Variants in ADSS2 observed in about 807,000 individuals in gnomAD.
ADSS2 encodes the protein adenylosuccinate synthetase isozyme 2.
In ADSS2, 30 loss-of-function variants were observed where a neutral mutation model predicts 60.0. The ratio of observed to expected loss-of-function variants is 0.50; its 90% CI spans 0.37 to 0.68. The LOEUF (loss-of-function observed/expected upper bound fraction) is 0.68, where lower values mean the gene tolerates loss of function less well. ADSS2 is among the 30% of genes least tolerant of loss of function. The pLI, the probability that ADSS2 is intolerant of heterozygous loss-of-function variation, is 0.00. For synonymous variants in ADSS2, 187 were observed against 193.1 expected (o/e 0.97, Z 0.26); for missense variants, 373 against 554.8 (o/e 0.67, Z 3.29).
chr1:244,409,035 T>C lies in ADSS2; in HGVS notation c.*551A>G, dbSNP rs1435872672. 1 of 152,548 alleles carries C rather than the reference T, an allele frequency of 6.6e-6. No homozygotes were observed. Among genetic ancestry groups the C allele is most frequent in the Non-Finnish European group, 1.5e-5 (1 of 68,046 alleles). The allele number at this position is 152,548 out of a possible 1,614,324, so 9.4% of individuals were successfully genotyped here. A position where few individuals can be genotyped will look rare whatever the true frequency, so the allele number is the denominator to read the frequency against. Reference sequence around the variant, plus strand: ...CCCTCCCAGCCCCACCAAAGCTCAATTTTGCATGGTTTCAGCAGAAAATAG... The same window carrying C: ...CCCTCCCAGCCCCACCAAAGCTCAACTTTGCATGGTTTCAGCAGAAAATAG... On this transcript the variant is annotated 3_prime_UTR_variant, in exon 13 of 13. Coordinates refer to ENST00000366535, the MANE Select transcript of ADSS2 (RefSeq NM_001126.5).
chr1:244,438,997 T>C (rs1665169796), intron 1 of ADSS2, among the ~76,000 whole-genome samples: 1 of 152,180 alleles, frequency 6.6e-6, no homozygotes, highest in East Asian at 1.9e-4. Context: ...TATCTAACTA[T>C]ATTTGTATAC....
In ADSS2 at chr1:244,409,566, T is replaced by G; in HGVS notation, c.*20A>C. 6.3e-7 allele frequency: 1 copy of G among 1,589,888 alleles called. No homozygotes were observed. ...TTTCCCCTCCCTCTCAAGGAGTGTTTCTTGCATTACTGGCAATCATTAAAA... is the reference window on the plus strand; with the variant it reads ...TTTCCCCTCCCTCTCAAGGAGTGTTGCTTGCATTACTGGCAATCATTAAAA... On this transcript the variant is annotated 3_prime_UTR_variant, in exon 13 of 13. Transcript: ENST00000366535.
At chr1:244,448,839 G>A (rs892042465) in intron 1 of ADSS2, among the ~76,000 whole-genome samples, 5 of 152,032 alleles carry the variant, frequency 3.3e-5, no homozygotes, top group Non-Finnish European at 7.3e-5. Context: ...TGCTTACACA[G>A]CAGTTGTCCC....
At chr1:244,434,353 CAA>C (rs533431244) in intron 3 of ADSS2, among the ~76,000 whole-genome samples, 23 of 133,166 alleles carry the variant, frequency 1.7e-4, no homozygotes, top group Non-Finnish European at 1.8e-4. Flanking sequence ...ACCATGTCTC[CAA>C]AAAAAAAAAA....
chr1:244,440,678 T>C (rs1049293436), intron 1 of ADSS2, among the ~76,000 whole-genome samples: 3 of 152,190 alleles, frequency 2.0e-5, no homozygotes, highest in African/African-American at 7.2e-5. Context: ...AGACAACCAG[T>C]TAGCACAAGT....
At chr1:244,440,675 C>A (rs1323348040) in intron 1 of ADSS2, among the ~76,000 whole-genome samples, 1 of 152,142 alleles carries the variant, frequency 6.6e-6, no homozygotes, top group Non-Finnish European at 1.5e-5. Flanking sequence ...GTAAGACAAC[C>A]AGTTAGCACA....
At chr1:244,436,795 TG>T in intron 3 of ADSS2, 29 bp downstream of exon 3, 1 of 1,562,242 alleles carries the variant, frequency 6.4e-7, no homozygotes. Flanking sequence ...AAAGAACAAC[TG>T]GTTACCAAGT....
chr1:244,419,003 A>G, intron 8 of ADSS2, 89 bp from the exon 9 acceptor site: 5 of 1,210,606 alleles, frequency 4.1e-6, no homozygotes, highest in Non-Finnish European at 4.6e-6. Flanking sequence ...GCATTTGAGT[A>G]TATTATAGGT....
In ADSS2 at chr1:244,451,221, C is replaced by A. The variant is rs549006657; in HGVS notation, c.183+414G>T. ...GGGGGGCGGTGATGGGGGGTTCTGC[C>A]GTCGCGCCGGGTCTCCGCCCGCAGT... On this transcript the variant is annotated intron_variant, in intron 1 of 12. Coordinates refer to ENST00000366535, the MANE Select transcript of ADSS2 (RefSeq NM_001126.5). This position sits in a 1 kb window ranked among gnomAD's most constrained non-coding sequence, Gnocchi z 6.6. 6.6e-6 allele frequency among the ~76,000 whole-genome samples: 1 copy of A among 152,166 alleles called. No individual in the cohort carries two copies. The highest frequency in any genetic ancestry group is 1.5e-5 in the Non-Finnish European group (1 of 68,022).
At chr1:244,433,962 G>A (rs565060841) in intron 3 of ADSS2, among the ~76,000 whole-genome samples, 3 of 151,886 alleles carry the variant, frequency 2.0e-5, no homozygotes, top group Non-Finnish European at 2.9e-5. Context: ...TGAATTGTGA[G>A]GTATATCTGT....
intron 11 of ADSS2, 39 bp from the exon 12 acceptor site, chr1:244,411,475 G>A (rs752597961): frequency 6.4e-7 from 1 of 1,568,994 alleles, no homozygotes; most frequent in South Asian, 1.2e-5. Flanking sequence ...GGCACACACT[G>A]TTTACTGTCA....
intron 3 of ADSS2, among the ~76,000 whole-genome samples, chr1:244,436,211 G>A (rs977377432): frequency 6.6e-6 from 1 of 152,120 alleles, no homozygotes; most frequent in African/African-American, 2.4e-5. Context: ...TCAGATTTTT[G>A]TATTACGGAT....
At position 244,436,576 on chromosome 1, in the gene ADSS2, A is replaced by G. The variant is rs141994346; in HGVS notation, c.355+249T>C. ...TCACCCACATATTGTAATTCTAGCT[A>G]TCTTAAGATAAAGTTTGTAGATGAC... On this transcript the variant is annotated intron_variant, in intron 3 of 12. Coordinates refer to ENST00000366535, the MANE Select transcript of ADSS2 (RefSeq NM_001126.5). 2.6e-5 allele frequency among the ~76,000 whole-genome samples: 4 copies of G among 152,360 alleles called. No individual in the cohort carries two copies. The East Asian group carries it at 7.7e-4, about 29-fold the overall frequency.
intron 4 of ADSS2, among the ~76,000 whole-genome samples, chr1:244,431,359 CCTTT>C (rs1664940206): frequency 6.6e-6 from 1 of 152,028 alleles, no homozygotes. Flanking sequence ...TTCTTTGTTT[CCTTT>C]GTTTTTTGTC....
Position 244,436,450 on chromosome 1 carries a change from A to G in ADSS2, c.355+375T>C, listed in dbSNP as rs527370604. Among the ~76,000 whole-genome samples, 10 of 152,312 alleles carry G rather than the reference A, an allele frequency of 6.6e-5. No homozygotes were observed. In the East Asian group the frequency reaches 1.4e-3, roughly 21 times the overall value. The stretch of plus-strand genomic sequence containing the variant: ...ATCTGTGTAGCATGGGAAAAAACAA[A>G]AATTCCCTTTTATCCCTGAGTTGTA... On this transcript the variant is annotated intron_variant, in intron 3 of 12. Transcript: ENST00000366535.
At chr1:244,430,266 C>T (rs939570793) in intron 4 of ADSS2, among the ~76,000 whole-genome samples, 2 of 152,168 alleles carry the variant, frequency 1.3e-5, no homozygotes, top group Non-Finnish European at 2.9e-5. Flanking sequence ...AATTAAGTAA[C>T]TTGCTTAACC....
chr1:244,411,661 A>G (rs1664421472), intron 11 of ADSS2, among the ~76,000 whole-genome samples: 1 of 152,220 alleles, frequency 6.6e-6, no homozygotes, highest in South Asian at 2.1e-4. Flanking sequence ...ATCATTTGCT[A>G]TAAGAGGATA....
Position 244,408,712 on chromosome 1 carries a change from A to G in ADSS2, c.*874T>C, listed in dbSNP as rs944419442. The G allele has an allele frequency of 6.6e-6, 1 of 152,554 alleles. No homozygotes were observed. Among genetic ancestry groups the G allele is most frequent in the African/African-American group, 2.4e-5 (1 of 41,426 alleles). 9.5% of individuals were successfully genotyped at this position (152,554 alleles called of 1,614,324 possible). Reference sequence around the variant, plus strand: ...AACGTGGGTTCATTTTGACACTTACAGATGATTCTGTAGGCATATCGGCAG... The same window carrying G: ...AACGTGGGTTCATTTTGACACTTACGGATGATTCTGTAGGCATATCGGCAG... On this transcript the variant is annotated 3_prime_UTR_variant, in exon 13 of 13. Coordinates refer to ENST00000366535, the MANE Select transcript of ADSS2 (RefSeq NM_001126.5).
chr1:244,424,568 T>C (rs1222598741), intron 4 of ADSS2, 181 bp from the exon 5 acceptor site: 1 of 512,742 alleles, frequency 2.0e-6, no homozygotes, highest in Non-Finnish European at 3.5e-6. Flanking sequence ...AATATGAAAA[T>C]GTCTGATCTT....
Sources: gnomAD v4.1 joint callset for allele counts (sites outside exome capture counted in the v4.1 genomes callset) on GRCh38, gnomAD v4.1.1 for gene constraint, Gnocchi (gnomAD v3.1) non-coding constraint, MANE v1.5 for transcripts, NCBI Gene and HGNC (gene_info 2026-07-23, HGNC 2026-07-21) for gene names.